The following UXS1 variants were observed in gnomAD, a reference collection of about 807,000 sequenced individuals.
The protein encoded by UXS1 is UDP-glucuronic acid decarboxylase 1.
A neutral mutation model predicts 62.6 loss-of-function variants in UXS1; 33 were observed. The ratio of observed to expected loss-of-function variants is 0.53; its 90% confidence interval spans 0.40 to 0.70. The LOEUF (loss-of-function observed/expected upper bound fraction) is 0.70, where lower values mean the gene tolerates loss of function less well. Ranked by LOEUF, UXS1 falls within the 30% of genes least tolerant of loss-of-function variation. The pLI, the probability that UXS1 is intolerant of heterozygous loss-of-function variation, is 0.00. For missense variants in UXS1, 434 were observed against 556.3 expected, an observed-to-expected ratio of 0.78 and a Z score of 2.21; for synonymous variants, 213 against 206.8, an observed-to-expected ratio of 1.03 and a Z score of -0.26.
At chr2:106,191,807 CAACAA>C (rs1438214209) in intron 1 of UXS1, among the ~76,000 whole-genome samples, 2 of 152,266 alleles carry the variant, frequency 1.3e-5, no homozygotes, top group African/African-American at 4.8e-5. Flanking sequence ...TTTGATTCCT[CAACAA>C]AACAAACGTA....
chr2:106,137,877 C>T (rs1680789833), intron 6 of UXS1, among the ~76,000 whole-genome samples: 5 of 152,124 alleles, frequency 3.3e-5, no homozygotes, highest in Admixed American at 2.6e-4. Context: ...GAGTACGACA[C>T]CACAGAGCCC....
At chr2:106,101,151 C>A in intron 11 of UXS1, 33 bp from the exon 12 acceptor site, 1 of 1,612,850 alleles carries the variant, frequency 6.2e-7, no homozygotes, top group Middle Eastern at 1.7e-4. Flanking sequence ...TGAGGCTCTG[C>A]CTGCTGGAAT....
At chr2:106,129,635 C>G (rs746339987) in intron 7 of UXS1, 39 bp downstream of exon 7, 1 of 1,484,480 alleles carries the variant, frequency 6.7e-7, no homozygotes, top group Non-Finnish European at 9.3e-7. Flanking sequence ...CTAAAATATT[C>G]CCAGCAACAG....
At chr2:106,143,629 A>C (rs1232438861) in intron 6 of UXS1, among the ~76,000 whole-genome samples, 1 of 152,042 alleles carries the variant, frequency 6.6e-6, no homozygotes, top group Non-Finnish European at 1.5e-5. Flanking sequence ...CCCCAGGCAG[A>C]AATCAAGGTG....
intron 1 of UXS1, among the ~76,000 whole-genome samples, chr2:106,192,552 T>C (rs1299486524): frequency 3.0e-5 from 1 of 33,066 alleles, no homozygotes. Context: ...CGAGACTCCG[T>C]CTCAAAAAAA....
Position 106,104,780 on chromosome 2 carries a change from C to G in UXS1, c.923+14G>C. 6.2e-7 allele frequency: 1 copy of G among 1,613,956 alleles called. No individual in the cohort carries two copies. On this transcript the variant is annotated intron_variant, in intron 11 of 14. Transcript: ENST00000283148. Reference sequence around the variant, plus strand: ...AAGCACTGCTAAGGCTGGGGCAGGGCAGGACAGTCTTACCTGACGTACTGG... The same window carrying G: ...AAGCACTGCTAAGGCTGGGGCAGGGGAGGACAGTCTTACCTGACGTACTGG...
chr2:106,161,109 G>A (rs1412899215), intron 4 of UXS1, among the ~76,000 whole-genome samples: 1 of 131,026 alleles, frequency 7.6e-6, no homozygotes, highest in African/African-American at 2.9e-5. Context: ...GCCGTTGGCT[G>A]GGCCACATGC....
intron 11 of UXS1, among the ~76,000 whole-genome samples, chr2:106,104,112 T>C (rs7573395): frequency 0.74 from 111,849 of 152,080 alleles, 41,433 homozygotes; most frequent in South Asian, 0.79. Context: ...AACTGGGTTT[T>C]ACAACAATTC....
intron 6 of UXS1, among the ~76,000 whole-genome samples, chr2:106,137,447 T>C (rs1355509867): frequency 6.6e-6 from 1 of 152,080 alleles, no homozygotes. Flanking sequence ...CTCTGAAGAT[T>C]CCTCCTCATA....
chr2:106,104,668 A>G (rs1235557179), intron 11 of UXS1, 126 bp downstream of exon 11: 2 of 1,161,950 alleles, frequency 1.7e-6, no homozygotes, highest in Non-Finnish European at 2.4e-6. Context: ...AAAAATTTTT[A>G]ATCAATATAT....
At chr2:106,104,368 C>T (rs1232146203) in intron 11 of UXS1, among the ~76,000 whole-genome samples, 4 of 152,208 alleles carry the variant, frequency 2.6e-5, no homozygotes, top group East Asian at 1.9e-4. Context: ...TGAAATTCAA[C>T]ATAAGAACAC....
At chr2:106,157,965 G>A (rs748401627) in intron 5 of UXS1, 93 bp downstream of exon 5, 66 of 1,119,568 alleles carry the variant, frequency 5.9e-5, no homozygotes, top group Non-Finnish European at 7.9e-5. Flanking sequence ...TCGTATCTTT[G>A]AGAAGCGTGA....
chr2:106,098,452 C>T (rs181538987), intron 13 of UXS1, among the ~76,000 whole-genome samples: 65 of 152,350 alleles, frequency 4.3e-4, no homozygotes, highest in African/African-American at 1.5e-3. Context: ...CTAATACAAT[C>T]GTGCCTCAAA....
intron 6 of UXS1, among the ~76,000 whole-genome samples, chr2:106,144,632 A>C (rs1370213500): frequency 6.6e-6 from 1 of 152,266 alleles, no homozygotes; most frequent in East Asian, 1.9e-4. Flanking sequence ...TGTACATTGA[A>C]CCAATGGTTT....
chr2:106,174,498 A>G (rs969067389), intron 1 of UXS1, among the ~76,000 whole-genome samples: 3 of 152,190 alleles, frequency 2.0e-5, no homozygotes, highest in African/African-American at 7.2e-5. Context: ...ATGGTCTGAG[A>G]TAAGTACATG....
chr2:106,188,223 GA>G (rs1296050323), intron 1 of UXS1, among the ~76,000 whole-genome samples: 2 of 151,986 alleles, frequency 1.3e-5, no homozygotes, highest in African/African-American at 4.8e-5. Flanking sequence ...CTTGTTTAAG[GA>G]ATCAATCCAC....
intron 6 of UXS1, among the ~76,000 whole-genome samples, chr2:106,142,020 A>ACAAGCATGCC (rs1443661596): frequency 4.0e-5 from 6 of 151,744 alleles, no homozygotes; most frequent in African/African-American, 1.5e-4. Context: ...ACAGACATGC[A>ACAAGCATGCC]CAAGCATGCC....
In UXS1 at chr2:106,138,319, C is replaced by A. The variant is rs957257641; in HGVS notation, c.472+6871G>T. 72 of 985,590 alleles carry A rather than the reference C, an allele frequency of 7.3e-5. No homozygotes were observed. The African/African-American group carries it at 1.2e-3, about 16-fold the overall frequency. The allele number at this position is 985,590 out of a possible 1,614,324, so 61.1% of individuals were successfully genotyped here. On this transcript the variant is annotated intron_variant, in intron 6 of 14. Transcript: ENST00000283148. ...ACCACTAGTCCACAACAGCTCAGCGCTGCCTTGTCCAGAGATTCACACATG... is the reference window on the plus strand; with the variant it reads ...ACCACTAGTCCACAACAGCTCAGCGATGCCTTGTCCAGAGATTCACACATG...
intron 14 of UXS1, among the ~76,000 whole-genome samples, chr2:106,096,260 G>A (rs75451127): frequency 0.018 from 2,773 of 152,254 alleles, 42 homozygotes; most frequent in East Asian, 0.066. Flanking sequence ...CAGTGAGTGT[G>A]CGCATGTGAG....
Sources: allele counts gnomAD v4.1 joint callset (sites outside exome capture counted in the v4.1 genomes callset), GRCh38; gene constraint gnomAD v4.1.1; transcripts MANE v1.5; gene names NCBI Gene and HGNC (gene_info 2026-07-23, HGNC 2026-07-21).